Variants in BAZ2B observed in about 807,000 individuals in gnomAD.
The protein encoded by BAZ2B is bromodomain adjacent to zinc finger domain 2B.
In BAZ2B, 91 loss-of-function variants were observed where a neutral mutation model predicts 246.0. The observed-to-expected ratio is 0.37, with a 90% CI of 0.31 to 0.44. The LOEUF (loss-of-function observed/expected upper bound fraction) is 0.44, where lower values mean the gene tolerates loss of function less well. Ranked by LOEUF, BAZ2B falls within the 20% of genes least tolerant of loss-of-function variation. BAZ2B has a pLI of 1.00. For synonymous variants in BAZ2B, 855 were observed against 860.0 expected (o/e 0.99, Z 0.10); for missense variants, 2,332 against 2,533.7 (o/e 0.92, Z 1.71).
chr2:159,514,375 G>C (rs1160314041), intron 2 of BAZ2B, among the ~76,000 whole-genome samples: 19 of 152,108 alleles, frequency 1.2e-4, no homozygotes, highest in Admixed American at 1.2e-3. Flanking sequence ...ACATTGTACT[G>C]TTAACAGCCT....
intron 13 of BAZ2B, among the ~76,000 whole-genome samples, chr2:159,413,232 A>G (rs1010511147): frequency 6.6e-6 from 1 of 152,264 alleles, no homozygotes; most frequent in Admixed American, 6.5e-5. Flanking sequence ...ACACGGAAGT[A>G]TAAGTTAAAC....
At chr2:159,510,192 A>T (rs1358398312) in intron 2 of BAZ2B, among the ~76,000 whole-genome samples, 1 of 151,710 alleles carries the variant, frequency 6.6e-6, no homozygotes, top group Non-Finnish European at 1.5e-5. Flanking sequence ...TTATTTTTAA[A>T]TTTTTTTTGA....
chr2:159,451,228 T>G (rs185524489), intron 4 of BAZ2B, among the ~76,000 whole-genome samples: 1 of 152,200 alleles, frequency 6.6e-6, no homozygotes, highest in Admixed American at 6.5e-5. Context: ...CATGAAATAC[T>G]ATTTCAATAT....
chr2:159,652,489 C>T, the BAZ2B span, among the ~76,000 whole-genome samples: 6 of 152,178 alleles, frequency 3.9e-5, no homozygotes, highest in Non-Finnish European at 7.4e-5. Flanking sequence ...AGATTACAGG[C>T]GTGAGCCACC....
At chr2:159,585,106 A>C (rs1687747563) in intron 1 of BAZ2B, among the ~76,000 whole-genome samples, 1 of 152,232 alleles carries the variant, frequency 6.6e-6, no homozygotes, top group African/African-American at 2.4e-5. Flanking sequence ...GCAGACTAAT[A>C]AAATAGCGTT....
chr2:159,322,946 TC>T, intron 36 of BAZ2B, among the ~76,000 whole-genome samples: 1 of 151,886 alleles, frequency 6.6e-6, no homozygotes, highest in East Asian at 1.9e-4. Context: ...CCCTGTGACT[TC>T]CTCCATTCAC....
the BAZ2B span, among the ~76,000 whole-genome samples, chr2:159,622,823 A>C: frequency 6.6e-6 from 1 of 151,904 alleles, no homozygotes; most frequent in Non-Finnish European, 1.5e-5. Flanking sequence ...ACATGATGAG[A>C]CTGTCTCTAC....
At chr2:159,628,278 C>G in the BAZ2B span, among the ~76,000 whole-genome samples, 76 of 152,322 alleles carry the variant, frequency 5.0e-4, no homozygotes, top group Admixed American at 2.4e-3. Flanking sequence ...CTATCCCCAT[C>G]AAGCTACCAG....
chr2:159,596,326 A>G (rs1377351601), intron 1 of BAZ2B, among the ~76,000 whole-genome samples: 1 of 152,200 alleles, frequency 6.6e-6, no homozygotes, highest in Non-Finnish European at 1.5e-5. Context: ...AATATATTGC[A>G]TTTTAGCAAA....
At chr2:159,657,879 A>C in the BAZ2B span, among the ~76,000 whole-genome samples, 1 of 152,212 alleles carries the variant, frequency 6.6e-6, no homozygotes, top group African/African-American at 2.4e-5. Context: ...TCTGCAAACA[A>C]AGACAGTTTC....
intron 1 of BAZ2B, among the ~76,000 whole-genome samples, chr2:159,589,343 G>A (rs1230388373): frequency 6.6e-6 from 1 of 151,874 alleles, no homozygotes; most frequent in Non-Finnish European, 1.5e-5. Flanking sequence ...CATAAAAAAT[G>A]AGGGGGCTTT....
intron 33 of BAZ2B, 59 bp downstream of exon 33, chr2:159,336,883 G>A (rs774445915): frequency 3.2e-5 from 45 of 1,386,666 alleles, no homozygotes; most frequent in Admixed American, 1.1e-4. Context: ...AGATCTGGAG[G>A]TTGGAAGAAA....
chr2:159,331,398 C>T (rs893302618), intron 34 of BAZ2B, among the ~76,000 whole-genome samples: 1 of 152,142 alleles, frequency 6.6e-6, no homozygotes, highest in African/African-American at 2.4e-5. Flanking sequence ...GATGGAGTCT[C>T]ACTCTGTCAC....
intron 2 of BAZ2B, among the ~76,000 whole-genome samples, chr2:159,551,292 AC>A (rs2088179851): frequency 6.6e-6 from 1 of 152,000 alleles, no homozygotes; most frequent in East Asian, 1.9e-4. Context: ...ACATGGTGAA[AC>A]CCCGTCTCTA....
intron 2 of BAZ2B, among the ~76,000 whole-genome samples, chr2:159,492,083 T>C (rs1469700361): frequency 6.6e-6 from 1 of 152,200 alleles, no homozygotes; most frequent in Non-Finnish European, 1.5e-5. Context: ...TAGGCTTACT[T>C]ATTTCTCAAA....
chr2:159,654,300 T>C, the BAZ2B span, among the ~76,000 whole-genome samples: 1 of 152,194 alleles, frequency 6.6e-6, no homozygotes, highest in African/African-American at 2.4e-5. Context: ...TCCCAGCATG[T>C]AACACATAAA....
At chr2:159,628,250 T>C in the BAZ2B span, among the ~76,000 whole-genome samples, 12 of 152,338 alleles carry the variant, frequency 7.9e-5, 1 homozygote, top group East Asian at 2.3e-3. Flanking sequence ...CTGCCCAAAG[T>C]AATTTATACA....
At chr2:159,350,731 T>C (rs2058460404) in intron 27 of BAZ2B, among the ~76,000 whole-genome samples, 2 of 152,062 alleles carry the variant, frequency 1.3e-5, no homozygotes, top group Non-Finnish European at 2.9e-5. Flanking sequence ...CCACCATGCC[T>C]GGCTAATTTT....
chr2:159,345,736 C>CCAG (rs3836174), intron 31 of BAZ2B, among the ~76,000 whole-genome samples: 27,968 of 152,020 alleles, frequency 0.18, 2,726 homozygotes, highest in Middle Eastern at 0.25. Flanking sequence ...CAAATTTAAA[C>CCAG]CAGCAAGCAG....
Sources: allele counts gnomAD v4.1 joint callset (sites outside exome capture counted in the v4.1 genomes callset), GRCh38; gene constraint gnomAD v4.1.1; transcripts MANE v1.5; gene names NCBI Gene and HGNC (gene_info 2026-07-23, HGNC 2026-07-21).